DNAH5: variants seen among roughly 807,000 people sequenced by gnomAD.
DNAH5 encodes axonemal beta dynein heavy chain 5.
DNAH5 carries 372 observed loss-of-function variants against 518.2 expected under a neutral mutation model. That is an observed-to-expected ratio of 0.72 (90% CI 0.66 to 0.78). The LOEUF is 0.78. Among genes scored for constraint, DNAH5 ranks in the 30% least tolerant of loss-of-function variants. The pLI is 0.00. For missense variants in DNAH5, 5,523 were observed against 5,687.0 expected, an observed-to-expected ratio of 0.97 and a Z score of 0.93; for synonymous variants, 2,039 against 2,025.9, an observed-to-expected ratio of 1.01 and a Z score of -0.17.
intron 1 of DNAH5, among the ~76,000 whole-genome samples, chr5:13,951,272 A>G (rs2152036714): frequency 8.5e-6 from 1 of 117,190 alleles, no homozygotes; most frequent in South Asian, 2.9e-4. Flanking sequence ...GCTGAAGTGC[A>G]GTGATGCAGT....
At chr5:13,715,487 T>C (rs1425189972) in intron 74 of DNAH5, among the ~76,000 whole-genome samples, 1 of 152,214 alleles carries the variant, frequency 6.6e-6, no homozygotes, top group African/African-American at 2.4e-5. Flanking sequence ...AAAACAAATA[T>C]ATTTGCTGAT....
chr5:13,830,306 T>G (rs1763474173), intron 36 of DNAH5, 93 bp from the exon 37 acceptor site: 1 of 1,197,146 alleles, frequency 8.4e-7, no homozygotes, highest in African/African-American at 1.5e-5. Flanking sequence ...ATGAGCCAGA[T>G]GTAAGTTCAT....
At chr5:13,759,186 A>T (rs966962613) in intron 60 of DNAH5, among the ~76,000 whole-genome samples, 5 of 152,266 alleles carry the variant, frequency 3.3e-5, no homozygotes, top group Non-Finnish European at 7.3e-5. Context: ...GTTACACTTC[A>T]TTAGAAAGGA....
chr5:13,780,781 C>G lies in DNAH5; in HGVS notation c.8951+48G>C, dbSNP rs372232766. On this transcript the variant is annotated intron_variant, in intron 53 of 78. Coordinates refer to ENST00000265104, the MANE Select transcript of DNAH5 (RefSeq NM_001369.3). ...TTGAACTTCAGGTGGCCTCTGAGCA[C>G]CTTTTATCAAAATCCATGTTAGGTT... 288 of 1,609,584 alleles carry G rather than the reference C, an allele frequency of 1.8e-4. 3 individuals are homozygous for G. The South Asian group carries it at 2.7e-3, about 15-fold the overall frequency.
intron 53 of DNAH5, 30 bp from the exon 54 acceptor site, chr5:13,777,385 C>T (rs371486635): frequency 1.4e-4 from 227 of 1,602,554 alleles, no homozygotes; most frequent in Non-Finnish European, 1.8e-4. Flanking sequence ...TTGTCATTAG[C>T]TAAAATATTT....
intron 55 of DNAH5, chr5:13,771,339 T>C (rs1190149852): frequency 7.0e-6 from 2 of 285,788 alleles, no homozygotes; most frequent in African/African-American, 4.4e-5. Flanking sequence ...GCCCACCTGG[T>C]ACTCATATTT....
At chr5:13,732,914 T>C (rs78562036) in intron 68 of DNAH5, among the ~76,000 whole-genome samples, 5,197 of 152,210 alleles carry the variant, frequency 0.034, 294 homozygotes, top group African/African-American at 0.12. Flanking sequence ...AACCTAACCA[T>C]TGAAGGGCAG....
At position 13,922,348 on chromosome 5, in the gene DNAH5, T is replaced by A; in HGVS notation, c.439-20A>T. The A allele has an allele frequency of 6.2e-7, 1 of 1,601,240 alleles. No individual in the cohort carries two copies. The highest frequency in any genetic ancestry group is 1.3e-5 in the African/African-American group (1 of 74,678). On this transcript the variant is annotated intron_variant, in intron 4 of 78. Transcript: ENST00000265104. Reference sequence around the variant, plus strand: ...CACCTCCTGGAAAACAGGCAGGAGATCTTTTATTGTAAAAATCATCCTCAA... The same window carrying A: ...CACCTCCTGGAAAACAGGCAGGAGAACTTTTATTGTAAAAATCATCCTCAA...
chr5:13,808,555 T>G (rs1760045544), intron 46 of DNAH5, among the ~76,000 whole-genome samples: 1 of 152,210 alleles, frequency 6.6e-6, no homozygotes, highest in African/African-American at 2.4e-5. Context: ...GACTTATGAA[T>G]TAGAACTATT....
chr5:13,979,842 GT>G (rs397883750), intron 1 of DNAH5, among the ~76,000 whole-genome samples: 2,260 of 135,768 alleles, frequency 0.017, 41 homozygotes, highest in African/African-American at 0.046. Flanking sequence ...GTTTTTTGGG[GT>G]TTTTTTTTTT....
chr5:13,768,839 C>G, intron 58 of DNAH5, 121 bp downstream of exon 58: 1 of 1,158,966 alleles, frequency 8.6e-7, no homozygotes, highest in Non-Finnish European at 1.3e-6. Context: ...CTTGAAATCA[C>G]TCAAGTGGAT....
chr5:13,915,035 A>C (rs1776484575), intron 9 of DNAH5, among the ~76,000 whole-genome samples: 1 of 152,080 alleles, frequency 6.6e-6, no homozygotes, highest in Non-Finnish European at 1.5e-5. Context: ...TGATCTTTTC[A>C]TGTGACCATG....
At position 13,737,378 on chromosome 5, in the gene DNAH5, C is replaced by T. The variant is rs201213490; in HGVS notation, c.11329G>A (p.Glu3777Lys). ...RLTSTQGSLV[E>K]DESLIVVLSN... ...AGCACGACAATGAGACTTTCATCTT[C>T]TACCAGGGACCCCTGGGTACTTGTC... The change falls in exon 66 of 79, where the codon GAA becomes AAA. Residue 3777 changes from glutamate to lysine, a missense_variant. Transcript: ENST00000265104. 5.0e-6 allele frequency: 8 copies of T among 1,614,192 alleles called. No individual in the cohort carries two copies. Among genetic ancestry groups the T allele is most frequent in the Non-Finnish European group, 6.8e-6 (8 of 1,180,014 alleles).
chr5:13,714,421 T>A lies in DNAH5; in HGVS notation c.13109A>T (p.Asp4370Val), dbSNP rs1744010981. The change falls in exon 75 of 79, where the codon GAC becomes GTC. Residue 4370 changes from aspartate (D) to valine (V), a missense_variant. Asp to Val is a radical substitution (Grantham distance 152, BLOSUM62 -3). This residue lies in a region of DNAH5 where 387 missense variants were observed against 430.0 expected (regional missense o/e 0.90). Transcript: ENST00000265104. ...TCAACTCACTTCAAAGGGGACATAG[T>A]CTGGGGGCAGCTTCTCCAGCATATC... ...ADDMLEKLPPDYVPFEVKERL... is the reference protein window; with the variant it reads ...ADDMLEKLPPVYVPFEVKERL... 1.9e-6 allele frequency: 3 copies of A among 1,614,060 alleles called. No homozygotes were observed. The highest frequency in any genetic ancestry group is 1.7e-5 in the Admixed American group (1 of 60,006).
At chr5:13,908,332 A>C (rs1775602519) in intron 12 of DNAH5, among the ~76,000 whole-genome samples, 1 of 152,232 alleles carries the variant, frequency 6.6e-6, no homozygotes, top group Non-Finnish European at 1.5e-5. Context: ...CTCTATGTAT[A>C]AATTATGCAA....
chr5:13,865,060 TCTCCGCCCACTGCAAC>T (rs538675602), intron 27 of DNAH5, among the ~76,000 whole-genome samples: 211 of 145,344 alleles, frequency 1.5e-3, no homozygotes, highest in African/African-American at 5.1e-3. Flanking sequence ...AGTGGTGCAA[TCTCCGCCCACTGCAAC>T]CTCCACCTCC....
In DNAH5 at chr5:13,719,632, GAGA is replaced by G. The variant is rs899548803; in HGVS notation, c.12280-534_12280-532del. On this transcript the variant is annotated intron_variant, in intron 71 of 78. Transcript: ENST00000265104. ...AATTCTGCCTGCCTTAATGAAAAAT[GAGA>G]AGTTGATTTTCTACAGAAGGCAAAA... 3.3e-5 allele frequency among the ~76,000 whole-genome samples: 5 copies of G among 152,188 alleles called. 1 individual carries two copies. The highest frequency in any genetic ancestry group is 3.3e-4 in the Admixed American group (5 of 15,282).
intron 1 of DNAH5, among the ~76,000 whole-genome samples, chr5:13,983,722 T>G (rs1782843590): frequency 6.6e-6 from 1 of 152,192 alleles, no homozygotes; most frequent in African/African-American, 2.4e-5. Flanking sequence ...AAATTCTGGA[T>G]GACATCATTT....
At chr5:13,712,190 G>A (rs935021884) in intron 75 of DNAH5, among the ~76,000 whole-genome samples, 3 of 152,096 alleles carry the variant, frequency 2.0e-5, no homozygotes, top group African/African-American at 7.2e-5. Flanking sequence ...AACTGATTTC[G>A]ACAAAGCAAA....
Sources: gnomAD v4.1 joint callset for allele counts (sites outside exome capture counted in the v4.1 genomes callset) on GRCh38, gnomAD v4.1.1 for gene constraint, gnomAD v4.1.1 regional missense constraint, MANE v1.5 for transcripts, NCBI Gene and HGNC (gene_info 2026-07-23, HGNC 2026-07-21) for gene names.